SMYD3: variants seen among roughly 807,000 people sequenced by gnomAD.
SMYD3 encodes the protein SET and MYND domain containing 3, also known as histone-lysine N-methyltransferase SMYD3.
A neutral mutation model predicts 57.7 loss-of-function variants in SMYD3; 36 were observed. That is an observed-to-expected ratio of 0.62 (90% CI 0.48 to 0.82). The LOEUF (loss-of-function observed/expected upper bound fraction) is 0.82. SMYD3 is among the 40% of genes least tolerant of loss of function. The pLI is 0.00. For synonymous variants in SMYD3, 211 were observed against 195.0 expected (o/e 1.08, Z -0.68); for missense variants, 515 against 538.8 (o/e 0.96, Z 0.44).
intron 1 of SMYD3, among the ~76,000 whole-genome samples, chr1:246,442,025 G>A (rs994815082): frequency 6.6e-6 from 1 of 152,242 alleles, no homozygotes; most frequent in African/African-American, 2.4e-5. Context: ...ACACATAATA[G>A]AGACACACTC....
chr1:246,041,198 G>C (rs1572931849), intron 5 of SMYD3, among the ~76,000 whole-genome samples: 1 of 152,170 alleles, frequency 6.6e-6, no homozygotes, highest in Non-Finnish European at 1.5e-5. Flanking sequence ...ATCCAGGTCT[G>C]TGTAGGTACC....
At chr1:246,031,600 GGTGGCGGGCGCCT>G (rs1236722123) in intron 5 of SMYD3, among the ~76,000 whole-genome samples, 2 of 152,080 alleles carry the variant, frequency 1.3e-5, no homozygotes, top group African/African-American at 2.4e-5. Context: ...AGCCAGGCGT[GGTGGCGGGCGCCT>G]GTAGTCCCAG....
chr1:246,322,475 G>A (rs1004884929), intron 5 of SMYD3: 1 of 151,802 alleles, frequency 6.6e-6, no homozygotes, highest in African/African-American at 2.4e-5. Flanking sequence ...TGTAGAGATG[G>A]AGACATACAT....
At chr1:245,927,564 C>T (rs530128118) in intron 7 of SMYD3, among the ~76,000 whole-genome samples, 2 of 152,064 alleles carry the variant, frequency 1.3e-5, no homozygotes, top group Non-Finnish European at 2.9e-5. Flanking sequence ...GGATGCCCCC[C>T]CCTGCCCACG....
intron 1 of SMYD3, among the ~76,000 whole-genome samples, chr1:246,486,313 T>C (rs540409354): frequency 6.6e-6 from 1 of 152,294 alleles, no homozygotes; most frequent in South Asian, 2.1e-4. Flanking sequence ...GACATAAGTA[T>C]TAACAGGTTC....
intron 8 of SMYD3, among the ~76,000 whole-genome samples, chr1:245,892,160 C>T (rs1342549646): frequency 6.6e-6 from 1 of 152,146 alleles, no homozygotes; most frequent in African/African-American, 2.4e-5. Context: ...AAAATTGGAA[C>T]AGGAGGAGTT....
At chr1:245,977,678 GAAAACAA>G (rs768763753) in intron 5 of SMYD3, among the ~76,000 whole-genome samples, 2 of 152,048 alleles carry the variant, frequency 1.3e-5, no homozygotes, top group Non-Finnish European at 2.9e-5. Flanking sequence ...GACTGTCTCA[GAAAACAA>G]AAAACAAAAA....
chr1:246,106,937 A>G (rs1188468762), intron 5 of SMYD3, among the ~76,000 whole-genome samples: 1 of 152,184 alleles, frequency 6.6e-6, no homozygotes, highest in African/African-American at 2.4e-5. Context: ...ACAGCTCTCA[A>G]GTAGGGTTGG....
intron 10 of SMYD3, among the ~76,000 whole-genome samples, chr1:245,773,478 C>G (rs2046420741): frequency 6.6e-6 from 1 of 152,228 alleles, no homozygotes; most frequent in Non-Finnish European, 1.5e-5. Flanking sequence ...CGCGAGCAGC[C>G]TGGCTGGCAG....
At chr1:246,168,695 T>A (rs971692964) in intron 5 of SMYD3, among the ~76,000 whole-genome samples, 15 of 152,218 alleles carry the variant, frequency 9.9e-5, no homozygotes, top group African/African-American at 3.6e-4. Context: ...GTATTAAGAC[T>A]CATTCCTTTC....
At chr1:246,244,226 AG>A in intron 5 of SMYD3, among the ~76,000 whole-genome samples, 1 of 152,232 alleles carries the variant, frequency 6.6e-6, no homozygotes, top group African/African-American at 2.4e-5. Flanking sequence ...CACCTAAAAG[AG>A]GCCAAGGACA....
rs529611889 is a variant in SMYD3 at position 246,023,271 on chromosome 1, G to A, written c.532-93334C>T. On this transcript the variant is annotated intron_variant, in intron 5 of 11. Transcript: ENST00000490107. Reference sequence around the variant, plus strand: ...AGATGATATGCTGAAGGCACCGAGGGAGAGCTGTGTTGGAATGTCTGTCTG... The same window carrying A: ...AGATGATATGCTGAAGGCACCGAGGAAGAGCTGTGTTGGAATGTCTGTCTG... Among the ~76,000 whole-genome samples, 7 of 152,344 alleles carry A rather than the reference G, an allele frequency of 4.6e-5. 1 individual carries two copies. The South Asian group carries it at 1.5e-3, about 32-fold the overall frequency.
rs147639370 is a variant in SMYD3, at chr1:246,192,476, G to A, written c.531+134725C>T. ...TTGCTGTGTTGCCCAGGCTGGTGTC[G>A]AACTCCTGGGCCGAAGCGATCCTCC... On this transcript the variant is annotated intron_variant, in intron 5 of 11. Coordinates refer to ENST00000490107, the MANE Select transcript of SMYD3 (RefSeq NM_001167740.2). Among the ~76,000 whole-genome samples, 484 of 152,088 alleles carry A rather than the reference G, an allele frequency of 3.2e-3. 1 individual carries two copies. The highest frequency in any genetic ancestry group is 4.7e-3 in the Non-Finnish European group (321 of 68,008).
intron 10 of SMYD3, among the ~76,000 whole-genome samples, chr1:245,825,981 A>C (rs1196959166): frequency 1.5e-5 from 2 of 130,710 alleles, no homozygotes; most frequent in Admixed American, 7.8e-5. Flanking sequence ...TTAATCATCT[A>C]TCTCTGCTCC....
At chr1:246,394,452 C>G (rs2066623275) in intron 1 of SMYD3, among the ~76,000 whole-genome samples, 1 of 152,230 alleles carries the variant, frequency 6.6e-6, no homozygotes, top group South Asian at 2.1e-4. Flanking sequence ...AAACATACAG[C>G]AGGAACCTAT....
chr1:245,891,314 T>C (rs1273405802), intron 8 of SMYD3, among the ~76,000 whole-genome samples: 1 of 152,210 alleles, frequency 6.6e-6, no homozygotes, highest in African/African-American at 2.4e-5. Context: ...TGTATGACAG[T>C]ATCAAAATAT....
At chr1:246,257,682 G>A (rs1309683454) in intron 5 of SMYD3, among the ~76,000 whole-genome samples, 3 of 152,320 alleles carry the variant, frequency 2.0e-5, no homozygotes, top group East Asian at 3.9e-4. Context: ...TGGTGGCTTT[G>A]TAGTTTCTAT....
chr1:245,922,808 G>T (rs978757173), intron 7 of SMYD3, among the ~76,000 whole-genome samples: 1 of 152,012 alleles, frequency 6.6e-6, no homozygotes, highest in African/African-American at 2.4e-5. Flanking sequence ...GTGTAGCACT[G>T]AACAAATCAT....
chr1:246,372,211 G>A (rs1043553906), intron 1 of SMYD3, among the ~76,000 whole-genome samples: 9 of 152,192 alleles, frequency 5.9e-5, no homozygotes, highest in African/African-American at 1.2e-4. Context: ...GCCATGGAAC[G>A]ACAGTTAACG....
Sources: gnomAD v4.1 joint callset for allele counts (sites outside exome capture counted in the v4.1 genomes callset) on GRCh38, gnomAD v4.1.1 for gene constraint, MANE v1.5 for transcripts, NCBI Gene and HGNC (gene_info 2026-07-23, HGNC 2026-07-21) for gene names.